Variants in SLC10A7 observed in about 807,000 individuals in gnomAD.
SLC10A7 encodes the protein sodium/bile acid cotransporter 7.
SLC10A7 carries 29 observed loss-of-function variants against 43.2 expected under a neutral mutation model. That is an observed-to-expected ratio of 0.67 (90% CI 0.50 to 0.92). SLC10A7 has a LOEUF of 0.92. Ranked by LOEUF, SLC10A7 falls within the 40% of genes least tolerant of loss-of-function variation. The pLI is 0.00. For missense variants in SLC10A7, 295 were observed against 403.2 expected (o/e 0.73, Z 2.30); for synonymous variants, 152 against 144.8 (o/e 1.05, Z -0.35).
chr4:146,520,722 G>C (rs981391243), intron 1 of SLC10A7, among the ~76,000 whole-genome samples: 7 of 152,088 alleles, frequency 4.6e-5, no homozygotes, highest in African/African-American at 1.7e-4. Flanking sequence ...GCATGAGTTA[G>C]GTATTAAACC....
chr4:146,429,544 G>T (rs1053040222), intron 5 of SLC10A7, among the ~76,000 whole-genome samples: 2 of 151,988 alleles, frequency 1.3e-5, no homozygotes, highest in Non-Finnish European at 2.9e-5. Context: ...TGTAATAAAT[G>T]ACAAATTATA....
chr4:146,498,114 CTTT>C (rs201706885), intron 4 of SLC10A7, among the ~76,000 whole-genome samples: 10 of 143,806 alleles, frequency 7.0e-5, no homozygotes, highest in South Asian at 2.2e-4. Context: ...ACTCTTATTA[CTTT>C]TTTTTTTTTT....
chr4:146,261,945 A>G (rs995427542), intron 10 of SLC10A7, among the ~76,000 whole-genome samples: 2 of 152,118 alleles, frequency 1.3e-5, no homozygotes, highest in African/African-American at 4.8e-5. Context: ...ACTTTATTTT[A>G]TTTCAGACAA....
chr4:146,515,192 A>G (rs1357665320), intron 2 of SLC10A7: 1 of 702,260 alleles, frequency 1.4e-6, no homozygotes, highest in Non-Finnish European at 2.6e-6. Context: ...TGGATTTCCC[A>G]TGGCACAAGT....
rs565340370 is a variant in SLC10A7, at chr4:146,490,940, C to T, written c.396+12909G>A. On this transcript the variant is annotated intron_variant, in intron 4 of 11. Coordinates refer to ENST00000335472, the MANE Select transcript of SLC10A7 (RefSeq NM_001029998.6). ...TTCTATTAAGGCTACTCCTACACTG[C>T]ATTAAAAAGATACAAAAGAAAAGTA... 2.4e-4 allele frequency among the ~76,000 whole-genome samples: 37 copies of T among 152,212 alleles called. No individual in the cohort carries two copies. In the South Asian group the frequency reaches 7.3e-3, roughly 30 times the overall value.
chr4:146,350,819 G>T (rs992672911), intron 5 of SLC10A7, among the ~76,000 whole-genome samples: 2 of 120,802 alleles, frequency 1.7e-5, no homozygotes, highest in Non-Finnish European at 3.4e-5. Context: ...GCAGCTGAGG[G>T]TCCTGTCTGT....
At chr4:146,301,373 A>G (rs1377328476) in intron 7 of SLC10A7, among the ~76,000 whole-genome samples, 2 of 152,074 alleles carry the variant, frequency 1.3e-5, no homozygotes, top group Non-Finnish European at 2.9e-5. Context: ...AGCCCTAAGG[A>G]GAGGAGTGGT....
intron 5 of SLC10A7, among the ~76,000 whole-genome samples, chr4:146,414,403 G>T (rs141789829): frequency 9.9e-5 from 15 of 152,168 alleles, no homozygotes; most frequent in African/African-American, 3.4e-4. Context: ...TCCACCAGGG[G>T]CTAACATGAA....
At chr4:146,489,189 C>T (rs1407890407) in intron 4 of SLC10A7, among the ~76,000 whole-genome samples, 1 of 152,188 alleles carries the variant, frequency 6.6e-6, no homozygotes, top group Non-Finnish European at 1.5e-5. Context: ...TCTTAGGACT[C>T]ATTACTCTGA....
At chr4:146,391,704 A>C (rs1738441733) in intron 5 of SLC10A7, among the ~76,000 whole-genome samples, 1 of 152,180 alleles carries the variant, frequency 6.6e-6, no homozygotes, top group Non-Finnish European at 1.5e-5. Flanking sequence ...TTGTCATTAA[A>C]AGCTCTCATT....
intron 5 of SLC10A7, among the ~76,000 whole-genome samples, chr4:146,426,257 G>A (rs144149034): frequency 1.2e-4 from 19 of 152,290 alleles, no homozygotes; most frequent in Admixed American, 9.8e-4. Context: ...ACGGTTCAGC[G>A]AGCGACATCA....
intron 7 of SLC10A7, among the ~76,000 whole-genome samples, chr4:146,304,832 C>G (rs935184251): frequency 2.6e-5 from 4 of 152,038 alleles, no homozygotes; most frequent in African/African-American, 9.7e-5. Context: ...GTTGATCTGT[C>G]TAATGTTGAC....
rs957622053 is a variant in SLC10A7, at chr4:146,256,118, C to A, written c.*373G>T. The A allele has an allele frequency of 5.0e-6, 1 of 200,772 alleles. No homozygotes were observed. Among genetic ancestry groups the A allele is most frequent in the Non-Finnish European group, 1.0e-5 (1 of 99,858 alleles). The allele number at this position is 200,772 out of a possible 1,614,324, so 12.4% of individuals were successfully genotyped here. A position where few individuals can be genotyped will look rare whatever the true frequency, so the allele number is the denominator to read the frequency against. ...ATAAGACTTTGGAAATTTTCACTGTCATCAGAAGGGCATTTTCCTGATGGT... is the reference window on the plus strand; with the variant it reads ...ATAAGACTTTGGAAATTTTCACTGTAATCAGAAGGGCATTTTCCTGATGGT... On this transcript the variant is annotated 3_prime_UTR_variant, in exon 12 of 12. Transcript: ENST00000335472.
chr4:146,300,842 A>G (rs77467598), intron 7 of SLC10A7, among the ~76,000 whole-genome samples: 9,461 of 152,204 alleles, frequency 0.062, 384 homozygotes, highest in South Asian at 0.16. Context: ...GTTATTGAGT[A>G]CCTACTATAT....
At chr4:146,391,726 G>A (rs1023509949) in intron 5 of SLC10A7, among the ~76,000 whole-genome samples, 4 of 152,168 alleles carry the variant, frequency 2.6e-5, no homozygotes, top group African/African-American at 9.7e-5. Context: ...TGTGAAGTAG[G>A]TGCAATTAGA....
At chr4:146,423,541 C>T (rs1443459548) in intron 5 of SLC10A7, among the ~76,000 whole-genome samples, 1 of 152,096 alleles carries the variant, frequency 6.6e-6, no homozygotes, top group African/African-American at 2.4e-5. Flanking sequence ...CTTTGCCTGA[C>T]TAAAAGCATA....
At chr4:146,417,445 T>A (rs887501770) in intron 5 of SLC10A7, among the ~76,000 whole-genome samples, 1 of 152,148 alleles carries the variant, frequency 6.6e-6, no homozygotes, top group Admixed American at 6.6e-5. Context: ...CAAAAAGAGA[T>A]GAGAAAATCC....
At position 146,368,080 on chromosome 4, in the gene SLC10A7, A is replaced by T. The variant is rs974834864; in HGVS notation, c.436-42084T>A. Among the ~76,000 whole-genome samples, 4 of 152,210 alleles carry T rather than the reference A, an allele frequency of 2.6e-5. No individual in the cohort carries two copies. The South Asian group carries it at 8.3e-4, about 32-fold the overall frequency. On this transcript the variant is annotated intron_variant, in intron 5 of 11. Transcript: ENST00000335472. ...ATTCATTATAATGCAGCTCAGAATT[A>T]ACACTGCCAGGCTCCTTTCTAATCA...
At chr4:146,413,675 T>G (rs1399608333) in intron 5 of SLC10A7, among the ~76,000 whole-genome samples, 1 of 152,172 alleles carries the variant, frequency 6.6e-6, no homozygotes, top group Non-Finnish European at 1.5e-5. Flanking sequence ...TACTATCGTT[T>G]GCAGACTTTC....
Sources: allele counts gnomAD v4.1 joint callset (sites outside exome capture counted in the v4.1 genomes callset), GRCh38; gene constraint gnomAD v4.1.1; transcripts MANE v1.5; gene names NCBI Gene and HGNC (gene_info 2026-07-23, HGNC 2026-07-21).